The following CALN1 variants were observed in gnomAD, a reference collection of about 807,000 sequenced individuals.
CALN1 encodes calcium-binding protein 8.
A neutral mutation model predicts 30.6 loss-of-function variants in CALN1; 17 were observed. The ratio of observed to expected loss-of-function variants is 0.56; its 90% CI spans 0.38 to 0.83. The LOEUF (loss-of-function observed/expected upper bound fraction) is 0.83. CALN1 is among the 40% of genes least tolerant of loss of function. CALN1 has a pLI of 0.00. For synonymous variants in CALN1, 156 were observed against 131.4 expected (o/e 1.19, Z -1.28); for missense variants, 291 against 354.9 (o/e 0.82, Z 1.45).
upstream of CALN1, among the ~76,000 whole-genome samples, chr7:72,416,537 C>T (rs1305580880): frequency 3.3e-5 from 5 of 152,064 alleles, no homozygotes; most frequent in African/African-American, 9.7e-5. Flanking sequence ...GTGTTCAAGA[C>T]CAGCCTGGCC....
At chr7:71,983,956 A>G (rs1294968811) in intron 5 of CALN1, among the ~76,000 whole-genome samples, 1 of 152,204 alleles carries the variant, frequency 6.6e-6, no homozygotes, top group Non-Finnish European at 1.5e-5. Context: ...ATTATGATCG[A>G]AAAAAACAGA....
chr7:71,975,050 G>T (rs1296411780), intron 5 of CALN1, among the ~76,000 whole-genome samples: 1 of 152,158 alleles, frequency 6.6e-6, no homozygotes, highest in Non-Finnish European at 1.5e-5. Context: ...ACCAGCTGGG[G>T]CTTTCACCAA....
intron 5 of CALN1, among the ~76,000 whole-genome samples, chr7:71,907,382 G>A (rs1453566292): frequency 1.3e-5 from 2 of 152,036 alleles, no homozygotes; most frequent in African/African-American, 4.8e-5. Flanking sequence ...GACAAATTGG[G>A]GGCCATGTGC....
intron 4 of CALN1, among the ~76,000 whole-genome samples, chr7:72,044,655 A>G (rs2129534544): frequency 8.0e-6 from 1 of 125,504 alleles, no homozygotes; most frequent in East Asian, 2.5e-4. Flanking sequence ...TCTGTCACCC[A>G]GGCTAGAATG....
At chr7:72,109,078 G>A (rs1450905885) in intron 3 of CALN1, among the ~76,000 whole-genome samples, 1 of 152,060 alleles carries the variant, frequency 6.6e-6, no homozygotes, top group Admixed American at 6.6e-5. Flanking sequence ...ATCTTAGTGT[G>A]TTCCCCGCCC....
At chr7:72,209,754 C>T (rs1792260263) in intron 3 of CALN1, among the ~76,000 whole-genome samples, 1 of 152,102 alleles carries the variant, frequency 6.6e-6, no homozygotes, top group African/African-American at 2.4e-5. Context: ...TCTCTATAGA[C>T]TTGTCTATTC....
chr7:71,939,594 G>T (rs961431678), intron 5 of CALN1, among the ~76,000 whole-genome samples: 1 of 150,796 alleles, frequency 6.6e-6, no homozygotes, highest in African/African-American at 2.4e-5. Context: ...AAAAGTTTAC[G>T]GATGGTAGTT....
chr7:72,275,696 G>A (rs1222335588), intron 3 of CALN1, among the ~76,000 whole-genome samples: 1 of 152,170 alleles, frequency 6.6e-6, no homozygotes, highest in Non-Finnish European at 1.5e-5. Context: ...GGCTGCCAAT[G>A]CTCAGGCTGC....
At chr7:72,305,319 AGTT>A (rs1219142070) in intron 2 of CALN1, among the ~76,000 whole-genome samples, 14 of 152,168 alleles carry the variant, frequency 9.2e-5, no homozygotes, top group African/African-American at 3.4e-4. Context: ...GGTGATTTTG[AGTT>A]GTTCTTTCTG....
chr7:72,400,616 T>A (rs1197775957), intron 2 of CALN1, among the ~76,000 whole-genome samples: 1 of 152,150 alleles, frequency 6.6e-6, no homozygotes, highest in African/African-American at 2.4e-5. Context: ...AAGCCTATAA[T>A]CCCAGCACTT....
At chr7:71,934,666 A>C (rs984672389) in intron 5 of CALN1, among the ~76,000 whole-genome samples, 1 of 152,182 alleles carries the variant, frequency 6.6e-6, no homozygotes, top group Non-Finnish European at 1.5e-5. Flanking sequence ...CCTATGACCC[A>C]AACACCTCCC....
chr7:72,261,583 T>C (rs897954326), intron 3 of CALN1, among the ~76,000 whole-genome samples: 2 of 151,960 alleles, frequency 1.3e-5, no homozygotes, highest in Admixed American at 6.6e-5. Flanking sequence ...CACATCACGC[T>C]TGGATAACTT....
chr7:71,982,204 T>C (rs1271276762), intron 5 of CALN1, among the ~76,000 whole-genome samples: 1 of 152,100 alleles, frequency 6.6e-6, no homozygotes, highest in East Asian at 1.9e-4. Flanking sequence ...ATTATCAGGG[T>C]CACCCAAAAA....
chr7:72,400,921 G>A lies in CALN1; in HGVS notation c.119+2330C>T, dbSNP rs531308138. 5.3e-5 allele frequency among the ~76,000 whole-genome samples: 8 copies of A among 152,212 alleles called. No homozygotes were observed. The East Asian group carries it at 1.2e-3, about 22-fold the overall frequency. ...TGAAAGTGATCTGGAGATGGAAGATGAGACACATCAAGGAGACTCCTCTCT... is the reference window on the plus strand; with the variant it reads ...TGAAAGTGATCTGGAGATGGAAGATAAGACACATCAAGGAGACTCCTCTCT... On this transcript the variant is annotated intron_variant, in intron 2 of 6. Transcript: ENST00000395275.
At chr7:72,447,229 A>G (rs1489956088), upstream of CALN1, 2 of 152,470 alleles carry the variant, frequency 1.3e-5, no homozygotes, top group Non-Finnish European at 2.9e-5. Flanking sequence ...TAGAGTCCCA[A>G]TTTGAAGGGT....
At chr7:72,373,517 A>ATTT (rs1489465201) in intron 2 of CALN1, among the ~76,000 whole-genome samples, 8 of 152,192 alleles carry the variant, frequency 5.3e-5, no homozygotes, top group African/African-American at 1.4e-4. Flanking sequence ...GACAGTATTC[A>ATTT]ATAAACTACA....
At chr7:72,282,503 G>A (rs902228190) in intron 2 of CALN1, among the ~76,000 whole-genome samples, 2 of 152,106 alleles carry the variant, frequency 1.3e-5, no homozygotes, top group Admixed American at 6.6e-5. Context: ...CTCACTGATG[G>A]GATTAATACC....
At chr7:71,863,332 C>T (rs943772033) in intron 5 of CALN1, among the ~76,000 whole-genome samples, 2 of 150,114 alleles carry the variant, frequency 1.3e-5, no homozygotes, top group Non-Finnish European at 3.0e-5. Context: ...CCAAGGCAGG[C>T]GGATCACCCG....
intron 4 of CALN1, among the ~76,000 whole-genome samples, chr7:72,090,267 A>G (rs1037493589): frequency 1.3e-5 from 2 of 152,192 alleles, no homozygotes; most frequent in Non-Finnish European, 2.9e-5. Context: ...GCGCCACTGC[A>G]CTCCAGCCTG....
Sources: allele counts gnomAD v4.1 joint callset (sites outside exome capture counted in the v4.1 genomes callset), GRCh38; gene constraint gnomAD v4.1.1; transcripts MANE v1.5; gene names NCBI Gene and HGNC (gene_info 2026-07-23, HGNC 2026-07-21).